The following DCC variants were observed in gnomAD, a reference collection of about 807,000 sequenced individuals.
The protein encoded by DCC is DCC netrin 1 receptor.
In DCC, 58 loss-of-function variants were observed where a neutral mutation model predicts 172.5. The observed-to-expected ratio is 0.34, with a 90% CI of 0.27 to 0.42. The LOEUF (loss-of-function observed/expected upper bound fraction) is 0.42. DCC is among the 10% of genes least tolerant of loss of function. The probability of loss-of-function intolerance (pLI) is 1.00; values close to 1 mark genes in which losing one functional copy is unlikely to be tolerated. For missense variants in DCC, 1,740 were observed against 1,791.0 expected (o/e 0.97, Z 0.51); for synonymous variants, 709 against 644.5 (o/e 1.10, Z -1.52).
intron 12 of DCC, among the ~76,000 whole-genome samples, chr18:53,228,814 A>T (rs1227962713): frequency 6.6e-6 from 1 of 152,184 alleles, no homozygotes; most frequent in East Asian, 1.9e-4. Flanking sequence ...TTACTTGTTT[A>T]AAATGCCAAA....
chr18:52,926,585 C>A (rs1048229634), intron 5 of DCC, among the ~76,000 whole-genome samples: 1 of 151,556 alleles, frequency 6.6e-6, no homozygotes, highest in Non-Finnish European at 1.5e-5. Context: ...TTGTATTGTG[C>A]TGTATATTAC....
chr18:53,213,291 A>G (rs1427901931), intron 11 of DCC, among the ~76,000 whole-genome samples: 1 of 152,194 alleles, frequency 6.6e-6, no homozygotes, highest in Non-Finnish European at 1.5e-5. Context: ...TATTATTAGA[A>G]ACATATAGCA....
At chr18:53,031,266 T>C (rs2042022134) in intron 5 of DCC, among the ~76,000 whole-genome samples, 1 of 152,100 alleles carries the variant, frequency 6.6e-6, no homozygotes, top group Non-Finnish European at 1.5e-5. Context: ...CTCAATAAAA[T>C]AAAATAAAAT....
chr18:53,357,652 C>T (rs2057892106), intron 15 of DCC, among the ~76,000 whole-genome samples: 1 of 152,050 alleles, frequency 6.6e-6, no homozygotes, highest in Non-Finnish European at 1.5e-5. Flanking sequence ...TGATGTTTGA[C>T]CTAAAATTTA....
At chr18:52,742,161 T>G (rs1444399775) in intron 1 of DCC, among the ~76,000 whole-genome samples, 1 of 152,126 alleles carries the variant, frequency 6.6e-6, no homozygotes, top group African/African-American at 2.4e-5. Flanking sequence ...AGCTTCTAAG[T>G]CTGTGGGAAA....
At chr18:52,982,452 C>CA (rs1179709682) in intron 5 of DCC, among the ~76,000 whole-genome samples, 1 of 152,168 alleles carries the variant, frequency 6.6e-6, no homozygotes, top group Non-Finnish European at 1.5e-5. Flanking sequence ...ATCTTCTCTA[C>CA]CTTTGTTCAT....
intron 27 of DCC, among the ~76,000 whole-genome samples, chr18:53,509,968 G>C (rs2046230543): frequency 6.6e-6 from 1 of 152,156 alleles, no homozygotes; most frequent in African/African-American, 2.4e-5. Context: ...TTTTCAACAT[G>C]TGATGAGGGA....
At chr18:52,479,705 G>T (rs2029883178) in intron 1 of DCC, among the ~76,000 whole-genome samples, 1 of 151,602 alleles carries the variant, frequency 6.6e-6, no homozygotes, top group Non-Finnish European at 1.5e-5. Flanking sequence ...GACAAATGCA[G>T]ACAACATTTT....
intron 17 of DCC, among the ~76,000 whole-genome samples, chr18:53,396,630 G>A (rs1034689213): frequency 1.3e-5 from 2 of 152,184 alleles, no homozygotes; most frequent in African/African-American, 4.8e-5. Context: ...ACTCAGCATT[G>A]CTTTTGTCTC....
intron 7 of DCC, among the ~76,000 whole-genome samples, chr18:53,151,203 T>C (rs2043991595): frequency 1.3e-5 from 2 of 152,234 alleles, no homozygotes; most frequent in South Asian, 4.1e-4. Context: ...ATTATTATGA[T>C]AGTTAATGTA....
intron 5 of DCC, among the ~76,000 whole-genome samples, chr18:53,043,958 T>C (rs1376537528): frequency 1.3e-5 from 2 of 151,908 alleles, no homozygotes; most frequent in African/African-American, 2.4e-5. Context: ...CAATTTAAAT[T>C]GCCTAAAAAT....
chr18:52,480,299 T>G (rs982929920), intron 1 of DCC, among the ~76,000 whole-genome samples: 1 of 152,186 alleles, frequency 6.6e-6, no homozygotes, highest in Non-Finnish European at 1.5e-5. Flanking sequence ...TTTAATAATT[T>G]TTGGCTTAAA....
At chr18:53,225,722 G>A (rs983084096) in intron 12 of DCC, among the ~76,000 whole-genome samples, 1 of 152,186 alleles carries the variant, frequency 6.6e-6, no homozygotes, top group Non-Finnish European at 1.5e-5. Flanking sequence ...TGATTGCTGA[G>A]TACTGTGGAC....
At chr18:52,877,615 G>A (rs2039422970) in intron 2 of DCC, among the ~76,000 whole-genome samples, 2 of 151,906 alleles carry the variant, frequency 1.3e-5, no homozygotes, top group South Asian at 4.2e-4. Context: ...GTTGAGGTGG[G>A]AGGATCACCT....
At chr18:52,570,613 C>T (rs2033270935) in intron 1 of DCC, among the ~76,000 whole-genome samples, 1 of 152,098 alleles carries the variant, frequency 6.6e-6, no homozygotes, top group African/African-American at 2.4e-5. Flanking sequence ...GCATAATTTT[C>T]ACATTTGTAG....
At chr18:53,472,004 CA>C (rs1185182949) in intron 25 of DCC, among the ~76,000 whole-genome samples, 12 of 152,140 alleles carry the variant, frequency 7.9e-5, no homozygotes, top group African/African-American at 2.9e-4. Flanking sequence ...GCACCTGGCA[CA>C]TGGTAGGCAT....
At chr18:52,801,926 G>T (rs771561425) in intron 2 of DCC, among the ~76,000 whole-genome samples, 1 of 151,848 alleles carries the variant, frequency 6.6e-6, no homozygotes, top group Non-Finnish European at 1.5e-5. Flanking sequence ...CTTTAGACAT[G>T]CAGAAGTTAA....
Position 53,386,052 on chromosome 18 carries a change from C to T in DCC, c.2369C>T (p.Ser790Phe). Residue 790 changes from serine to phenylalanine, a missense_variant, in exon 16 of 29, where the codon TCC (serine) becomes TTC (phenylalanine). Physicochemically the swap from Ser to Phe is radical, Grantham distance 155. Transcript: ENST00000442544. ...YYSIERLESS[S>F]HYVISLKAFN... ...TCTGTTTTTTCTCCAGAGTCAAGTTCCCATTATGTAATCTCCCTAAAAGCT... is the reference window on the plus strand; with the variant it reads ...TCTGTTTTTTCTCCAGAGTCAAGTTTCCATTATGTAATCTCCCTAAAAGCT... 1 of 1,607,826 alleles carries T rather than the reference C, an allele frequency of 6.2e-7. No individual in the cohort carries two copies. The highest frequency in any genetic ancestry group is 8.5e-7 in the Non-Finnish European group (1 of 1,174,416).
At chr18:52,978,196 T>C (rs1029469399) in intron 5 of DCC, among the ~76,000 whole-genome samples, 2 of 152,044 alleles carry the variant, frequency 1.3e-5, no homozygotes, top group African/African-American at 4.8e-5. Context: ...CATAAAGAGA[T>C]CTATGTTTTG....
Sources: gnomAD v4.1 joint callset for allele counts (sites outside exome capture counted in the v4.1 genomes callset) on GRCh38, gnomAD v4.1.1 for gene constraint, MANE v1.5 for transcripts, NCBI Gene and HGNC (gene_info 2026-07-23, HGNC 2026-07-21) for gene names.